DNAH11: variants seen among roughly 807,000 people sequenced by gnomAD.
DNAH11 encodes axonemal beta dynein heavy chain 11.
Under a neutral mutation model 526.0 loss-of-function variants are expected in DNAH11, and 442 were observed. That is an observed-to-expected ratio of 0.84 (90% CI 0.78 to 0.91). DNAH11 has a LOEUF of 0.91. DNAH11 is among the 40% of genes least tolerant of loss of function. DNAH11 has a pLI of 0.00. For missense variants in DNAH11, 6,989 were observed against 5,448.7 expected (o/e 1.28, Z -8.90); for synonymous variants, 2,461 against 1,935.9 (o/e 1.27, Z -7.12).
chr7:21,804,082 TTTTTGTTTTGTTTTGTTTTGTTTTG>T (rs10549465), intron 62 of DNAH11, among the ~76,000 whole-genome samples: 6 of 147,462 alleles, frequency 4.1e-5, no homozygotes, highest in African/African-American at 1.3e-4. Flanking sequence ...GTAGTAGTTT[TTTTTGTTTTGTTTTGTTTTGTTTTG>T]TTTTGTTTTG....
At chr7:21,695,740 T>A (rs1486625324) in intron 35 of DNAH11, among the ~76,000 whole-genome samples, 1 of 152,102 alleles carries the variant, frequency 6.6e-6, no homozygotes, top group Admixed American at 6.6e-5. Flanking sequence ...AATTGACAAA[T>A]GGGATCTAAT....
At chr7:21,855,447 T>A (rs1389056563) in intron 68 of DNAH11, among the ~76,000 whole-genome samples, 1 of 152,226 alleles carries the variant, frequency 6.6e-6, no homozygotes, top group African/African-American at 2.4e-5. Flanking sequence ...TAAGAACAAC[T>A]ATTTATTGAG....
chr7:21,787,667 A>C, intron 60 of DNAH11, 84 bp downstream of exon 60: 5 of 1,244,934 alleles, frequency 4.0e-6, no homozygotes, highest in Non-Finnish European at 5.4e-6. Context: ...GAGAAGAGTA[A>C]AATTTGTTAT....
intron 28 of DNAH11, among the ~76,000 whole-genome samples, chr7:21,644,937 T>G (rs1473754318): frequency 1.3e-5 from 2 of 152,256 alleles, no homozygotes; most frequent in Non-Finnish European, 2.9e-5. Flanking sequence ...CTCAAAATGA[T>G]GAATATGTGG....
rs1784852890 is a variant in DNAH11, at chr7:21,720,940, C to G, written c.7266+84C>G. ...GGGAGGTTAAAACATGTGATCTGTACCTTTTTGTTATGTTATAGATCTATA... is the reference window on the plus strand; with the variant it reads ...GGGAGGTTAAAACATGTGATCTGTAGCTTTTTGTTATGTTATAGATCTATA... On this transcript the variant is annotated intron_variant, in intron 44 of 81. Transcript: ENST00000409508. 7 of 1,502,264 alleles carry G rather than the reference C, an allele frequency of 4.7e-6. No homozygotes were observed. In the South Asian group the frequency reaches 6.3e-5, roughly 13 times the overall value. The allele number at this position is 1,502,264 out of a possible 1,614,324, so 93.1% of individuals were successfully genotyped here.
intron 74 of DNAH11, among the ~76,000 whole-genome samples, chr7:21,874,684 T>C (rs1783638144): frequency 6.6e-6 from 1 of 151,670 alleles, no homozygotes; most frequent in African/African-American, 2.4e-5. Flanking sequence ...TACGTATATA[T>C]ACATATATAT....
chr7:21,638,842 T>C (rs1786988706), intron 27 of DNAH11, 97 bp from the exon 28 acceptor site: 1 of 1,403,970 alleles, frequency 7.1e-7, no homozygotes, highest in Non-Finnish European at 9.7e-7. Context: ...GTGAGTTTAC[T>C]ATAATGAATG....
chr7:21,581,545 T>A (rs1321122825), intron 8 of DNAH11, among the ~76,000 whole-genome samples: 1 of 152,348 alleles, frequency 6.6e-6, no homozygotes, highest in East Asian at 1.9e-4. Context: ...TTTTTTCTTT[T>A]CTGAAAAACT....
chr7:21,654,013 C>T (rs1001123804), intron 28 of DNAH11, among the ~76,000 whole-genome samples: 1 of 152,122 alleles, frequency 6.6e-6, no homozygotes. Context: ...ACAGCAGTGG[C>T]GCCTGTATGC....
intron 28 of DNAH11, among the ~76,000 whole-genome samples, chr7:21,651,898 T>C (rs1044465732): frequency 3.3e-5 from 5 of 152,270 alleles, no homozygotes; most frequent in African/African-American, 1.2e-4. Context: ...CACATCTTTC[T>C]AATTCTGTCA....
At chr7:21,855,867 C>G (rs1357567699) in intron 68 of DNAH11, among the ~76,000 whole-genome samples, 1 of 152,038 alleles carries the variant, frequency 6.6e-6, no homozygotes, top group East Asian at 1.9e-4. Flanking sequence ...CCTTTATGAT[C>G]ATACATTTGT....
intron 79 of DNAH11, among the ~76,000 whole-genome samples, chr7:21,896,236 TTTTC>T (rs1562609574): frequency 1.3e-5 from 2 of 152,224 alleles, no homozygotes; most frequent in Non-Finnish European, 2.9e-5. Flanking sequence ...TGTTCTGGGC[TTTTC>T]TTTTTTTATC....
At chr7:21,728,398 C>T (rs1033527457) in intron 45 of DNAH11, among the ~76,000 whole-genome samples, 7 of 151,756 alleles carry the variant, frequency 4.6e-5, no homozygotes, top group African/African-American at 1.7e-4. Flanking sequence ...GATGGGACTA[C>T]AGGCAACCCA....
At chr7:21,756,217 TTA>T (rs1431336377) in intron 54 of DNAH11, among the ~76,000 whole-genome samples, 1 of 152,118 alleles carries the variant, frequency 6.6e-6, no homozygotes, top group African/African-American at 2.4e-5. Flanking sequence ...TTTGTGTAAA[TTA>T]TAAGATGGCT....
At chr7:21,594,063 TACAC>T (rs59727118) in intron 14 of DNAH11, among the ~76,000 whole-genome samples, 404 of 137,606 alleles carry the variant, frequency 2.9e-3, no homozygotes, top group African/African-American at 3.3e-3. Flanking sequence ...CATACACACA[TACAC>T]ACACACACAC....
At chr7:21,641,447 G>T (rs1180215220) in intron 28 of DNAH11, among the ~76,000 whole-genome samples, 1 of 152,138 alleles carries the variant, frequency 6.6e-6, no homozygotes, top group African/African-American at 2.4e-5. Context: ...ACCCTGGAAG[G>T]ACTAACTGTC....
At chr7:21,576,665 G>A (rs1583495805) in intron 8 of DNAH11, among the ~76,000 whole-genome samples, 2 of 152,310 alleles carry the variant, frequency 1.3e-5, no homozygotes, top group African/African-American at 2.4e-5. Flanking sequence ...TAATATCAGT[G>A]TCAATGCTGT....
chr7:21,656,599 G>A (rs1434904913), intron 29 of DNAH11, among the ~76,000 whole-genome samples: 1 of 152,148 alleles, frequency 6.6e-6, no homozygotes, highest in Admixed American at 6.6e-5. Context: ...AGCGTTTCTG[G>A]TGTGTTCAGA....
chr7:21,561,307 A>T (rs1783451555), intron 5 of DNAH11, 137 bp downstream of exon 5: 2 of 665,320 alleles, frequency 3.0e-6, no homozygotes, highest in Middle Eastern at 2.5e-4. Flanking sequence ...TGATAAATTC[A>T]TCTCACCCTT....
Sources: gnomAD v4.1 joint callset for allele counts (sites outside exome capture counted in the v4.1 genomes callset) on GRCh38, gnomAD v4.1.1 for gene constraint, MANE v1.5 for transcripts, NCBI Gene and HGNC (gene_info 2026-07-23, HGNC 2026-07-21) for gene names.